RAPGEF5: variants seen among roughly 807,000 people sequenced by gnomAD.
RAPGEF5 encodes Rap guanine nucleotide exchange factor 5.
RAPGEF5 carries 65 observed loss-of-function variants against 125.2 expected under a neutral mutation model. The ratio of observed to expected loss-of-function variants is 0.52; its 90% CI spans 0.43 to 0.64. RAPGEF5 has a LOEUF of 0.64. Among genes scored for constraint, RAPGEF5 ranks in the 30% least tolerant of loss-of-function variants. The probability of loss-of-function intolerance (pLI) is 0.00; values close to 1 mark genes in which losing one functional copy is unlikely to be tolerated. For synonymous variants in RAPGEF5, 391 were observed against 385.9 expected, an observed-to-expected ratio of 1.01 and a Z score of -0.16; for missense variants, 958 against 1,048.1, an observed-to-expected ratio of 0.91 and a Z score of 1.19.
chr7:22,145,316 C>T, intron 19 of RAPGEF5, 94 bp from the exon 20 acceptor site: 2 of 1,195,952 alleles, frequency 1.7e-6, no homozygotes, highest in Non-Finnish European at 2.3e-6. Flanking sequence ...TCAGGTAGTT[C>T]CTCCCATATT....
chr7:22,230,974 G>A, intron 7 of RAPGEF5, 55 bp from the exon 8 acceptor site: 2 of 1,494,182 alleles, frequency 1.3e-6, no homozygotes, highest in South Asian at 2.5e-5. Context: ...AAATGCTTCA[G>A]ATAATTTTCT....
At chr7:22,210,191 C>T (rs1785478045) in intron 9 of RAPGEF5, among the ~76,000 whole-genome samples, 1 of 152,208 alleles carries the variant, frequency 6.6e-6, no homozygotes, top group Non-Finnish European at 1.5e-5. Flanking sequence ...TGCATCATCA[C>T]AAACCCCCAA....
intron 1 of RAPGEF5, among the ~76,000 whole-genome samples, chr7:22,335,709 A>G (rs1784014749): frequency 1.3e-5 from 1 of 74,860 alleles, no homozygotes. Flanking sequence ...AAAAAACAAC[A>G]AAACAACAAC....
In RAPGEF5 at chr7:22,319,491, T is replaced by G. The variant is rs575912977; in HGVS notation, c.232-1454A>C. On this transcript the variant is annotated intron_variant, in intron 1 of 25. Coordinates refer to ENST00000665637, the MANE Select transcript of RAPGEF5 (RefSeq NM_012294.5). ...CAATTGATACCCTGTTAAAGATGTG[T>G]AGCTTGATTCAAAGAAAATAAATTT... Among the ~76,000 whole-genome samples the G allele has an allele frequency of 5.3e-4, 81 of 152,342 alleles. 1 individual carries two copies. Among genetic ancestry groups the G allele is most frequent in the African/African-American group, 1.9e-3 (78 of 41,586 alleles).
rs547304071 is a variant in RAPGEF5 at position 22,255,359 on chromosome 7, C to T, written c.796+11605G>A. On this transcript the variant is annotated intron_variant, in intron 7 of 25. Transcript: ENST00000665637. ...ATCCCAGCACTTTGAGAGGTCAAGGCGGGAGGACTGCTTGAGCCCAGGAGC... is the reference window on the plus strand; with the variant it reads ...ATCCCAGCACTTTGAGAGGTCAAGGTGGGAGGACTGCTTGAGCCCAGGAGC... 9.9e-5 allele frequency among the ~76,000 whole-genome samples: 15 copies of T among 152,132 alleles called. No individual in the cohort carries two copies. The East Asian group carries it at 1.9e-3, about 20-fold the overall frequency.
chr7:22,314,541 A>G, intron 3 of RAPGEF5: 1 of 783,910 alleles, frequency 1.3e-6, no homozygotes, highest in Non-Finnish European at 1.5e-6. Context: ...TATTTAACAT[A>G]AAGGAATATC....
At chr7:22,157,202 C>T (rs781445943) in intron 15 of RAPGEF5, among the ~76,000 whole-genome samples, 1 of 152,174 alleles carries the variant, frequency 6.6e-6, no homozygotes, top group African/African-American at 2.4e-5. Flanking sequence ...ACATCATTTC[C>T]CCATTCCAAC....
chr7:22,240,616 G>A (rs916010105), intron 7 of RAPGEF5, among the ~76,000 whole-genome samples: 50 of 151,946 alleles, frequency 3.3e-4, no homozygotes, highest in South Asian at 6.2e-4. Context: ...CAAGTGATCC[G>A]CCTGCCTCAG....
At chr7:22,183,267 A>AT (rs1784729688) in intron 11 of RAPGEF5, among the ~76,000 whole-genome samples, 1 of 130,030 alleles carries the variant, frequency 7.7e-6, no homozygotes, top group African/African-American at 3.1e-5. Context: ...AGACTCCATC[A>AT]CAAAAAAAAA....
intron 8 of RAPGEF5, among the ~76,000 whole-genome samples, chr7:22,223,269 A>G (rs1785836789): frequency 6.6e-6 from 1 of 152,182 alleles, no homozygotes; most frequent in Non-Finnish European, 1.5e-5. Context: ...TCAAGGAGGA[A>G]GAAGTGAAAA....
At chr7:22,313,854 G>A (rs936844984) in intron 3 of RAPGEF5, among the ~76,000 whole-genome samples, 1 of 152,148 alleles carries the variant, frequency 6.6e-6, no homozygotes, top group Non-Finnish European at 1.5e-5. Flanking sequence ...GAGTTTCTAT[G>A]TGAAGTAGTC....
intron 6 of RAPGEF5, among the ~76,000 whole-genome samples, chr7:22,289,685 T>C (rs968047305): frequency 3.3e-5 from 5 of 152,224 alleles, no homozygotes; most frequent in African/African-American, 9.6e-5. Context: ...TTTTACACCA[T>C]TGATTATCAT....
At chr7:22,147,268 C>T (rs1783473737) in intron 18 of RAPGEF5, among the ~76,000 whole-genome samples, 2 of 152,182 alleles carry the variant, frequency 1.3e-5, no homozygotes. Context: ...TCTCCCCTAC[C>T]CCCACGTGCA....
At chr7:22,349,323 C>A (rs1173403056) in intron 1 of RAPGEF5, among the ~76,000 whole-genome samples, 1 of 148,896 alleles carries the variant, frequency 6.7e-6, no homozygotes, top group African/African-American at 2.5e-5. Flanking sequence ...ACTCAGGAGG[C>A]TGAGGCAGGA....
At chr7:22,343,137 A>G (rs1264099625) in intron 1 of RAPGEF5, among the ~76,000 whole-genome samples, 1 of 152,218 alleles carries the variant, frequency 6.6e-6, no homozygotes, top group African/African-American at 2.4e-5. Flanking sequence ...AGGAAGGTAA[A>G]ATGCACGTCT....
intron 11 of RAPGEF5, among the ~76,000 whole-genome samples, chr7:22,171,456 A>G (rs1008369429): frequency 1.9e-4 from 29 of 152,238 alleles, no homozygotes; most frequent in African/African-American, 6.8e-4. Flanking sequence ...ATACCTAAGC[A>G]TATTAATATG....
intron 7 of RAPGEF5, among the ~76,000 whole-genome samples, chr7:22,248,690 C>T (rs763465833): frequency 1.7e-4 from 26 of 152,168 alleles, no homozygotes; most frequent in Non-Finnish European, 3.2e-4. Context: ...AAGTGATAAA[C>T]GCGTGTCTGC....
chr7:22,286,833 G>A (rs1233269910), intron 6 of RAPGEF5, among the ~76,000 whole-genome samples: 2 of 152,142 alleles, frequency 1.3e-5, no homozygotes, highest in Non-Finnish European at 2.9e-5. Context: ...CACAAACACT[G>A]GAAGAATTCA....
intron 7 of RAPGEF5, among the ~76,000 whole-genome samples, chr7:22,234,172 C>T (rs1021114491): frequency 1.3e-5 from 2 of 151,988 alleles, no homozygotes; most frequent in African/African-American, 4.8e-5. Context: ...TATATGGTCC[C>T]CTAAAAGGGA....
Sources: allele counts gnomAD v4.1 joint callset (sites outside exome capture counted in the v4.1 genomes callset), GRCh38; gene constraint gnomAD v4.1.1; transcripts MANE v1.5; gene names NCBI Gene and HGNC (gene_info 2026-07-23, HGNC 2026-07-21).